Variants in EXOC4 observed in about 807,000 individuals in gnomAD.
EXOC4 encodes the protein exocyst complex component 4.
EXOC4 carries 71 observed loss-of-function variants against 107.2 expected under a neutral mutation model. The observed-to-expected ratio is 0.66, with a 90% confidence interval of 0.55 to 0.81. EXOC4 has a LOEUF of 0.81. Ranked by LOEUF, EXOC4 falls within the 30% of genes least tolerant of loss-of-function variation. The pLI, the probability that EXOC4 is intolerant of heterozygous loss-of-function variation, is 0.00. For synonymous variants in EXOC4, 456 were observed against 441.2 expected, an observed-to-expected ratio of 1.03 and a Z score of -0.42; for missense variants, 1,108 against 1,189.6, an observed-to-expected ratio of 0.93 and a Z score of 1.01.
chr7:133,984,495 C>T lies in EXOC4; in HGVS notation c.2207-12997C>T, dbSNP rs144106061. Among the ~76,000 whole-genome samples, 723 of 152,188 alleles carry T rather than the reference C, an allele frequency of 4.8e-3. 3 individuals carry two copies. The highest frequency in any genetic ancestry group is 0.017 in the Middle Eastern group (5 of 294). On this transcript the variant is annotated intron_variant, in intron 14 of 17. Transcript: ENST00000253861. ...TATTTGGAAGACATTAAGTTAAAGG[C>T]ATTGTGAAAATATAATGAAAAAAAT... is the stretch of plus-strand genomic sequence containing the variant.
chr7:133,503,441 T>C (rs1799612072), intron 9 of EXOC4, among the ~76,000 whole-genome samples: 1 of 152,196 alleles, frequency 6.6e-6, no homozygotes, highest in Admixed American at 6.5e-5. Context: ...ATTCTTGCAA[T>C]CCTACTATGG....
intron 7 of EXOC4, among the ~76,000 whole-genome samples, chr7:133,391,179 A>T (rs1796844203): frequency 6.6e-6 from 1 of 152,220 alleles, no homozygotes; most frequent in African/African-American, 2.4e-5. Context: ...TTGAAAATAT[A>T]AAGTAAAATA....
At chr7:133,499,506 G>A (rs1201388290) in intron 9 of EXOC4, among the ~76,000 whole-genome samples, 1 of 152,138 alleles carries the variant, frequency 6.6e-6, no homozygotes, top group Non-Finnish European at 1.5e-5. Flanking sequence ...AATGTTACTT[G>A]AGAGAAGAGG....
At chr7:133,281,847 AC>A (rs1393840993) in intron 2 of EXOC4, among the ~76,000 whole-genome samples, 2 of 151,794 alleles carry the variant, frequency 1.3e-5, no homozygotes, top group African/African-American at 4.8e-5. Context: ...GATTATAGGT[AC>A]CCACCACCAC....
rs552121442 is a variant in EXOC4, at chr7:133,859,921, C to T, written c.1735-35678C>T. On this transcript the variant is annotated intron_variant, in intron 11 of 17. Coordinates refer to ENST00000253861, the MANE Select transcript of EXOC4 (RefSeq NM_021807.4). The stretch of plus-strand genomic sequence containing the variant: ...AAGCTCTTTAAAGTGCAGGAAATTT[C>T]GTTACAAAGATTTGTGCTGTCTTCT... Among the ~76,000 whole-genome samples the T allele has an allele frequency of 2.0e-5, 3 of 152,200 alleles. No individual in the cohort carries two copies. The East Asian group carries it at 5.8e-4, about 29-fold the overall frequency.
the EXOC4 span, among the ~76,000 whole-genome samples, chr7:134,098,926 G>A: frequency 2.0e-5 from 3 of 152,116 alleles, no homozygotes; most frequent in Non-Finnish European, 4.4e-5. Context: ...TAGGCCAGAG[G>A]CATTCAAGGA....
chr7:134,075,002 A>AT, the EXOC4 span, among the ~76,000 whole-genome samples: 4 of 152,188 alleles, frequency 2.6e-5, no homozygotes, highest in Non-Finnish European at 5.9e-5. Context: ...CCTCCACAGT[A>AT]TAAAAAAAAA....
At chr7:134,043,996 T>C (rs1364129408) in intron 17 of EXOC4, among the ~76,000 whole-genome samples, 1 of 152,146 alleles carries the variant, frequency 6.6e-6, no homozygotes, top group East Asian at 1.9e-4. Context: ...TGATGGAGCA[T>C]GGTCTAGGAA....
the EXOC4 span, among the ~76,000 whole-genome samples, chr7:134,080,105 G>T: frequency 6.6e-6 from 1 of 152,180 alleles, no homozygotes; most frequent in Non-Finnish European, 1.5e-5. Context: ...TGCATGATTA[G>T]CTCTTAACTT....
At chr7:134,030,083 G>T (rs1795235464) in intron 17 of EXOC4, among the ~76,000 whole-genome samples, 1 of 152,120 alleles carries the variant, frequency 6.6e-6, no homozygotes, top group Non-Finnish European at 1.5e-5. Flanking sequence ...GAGCTACAAA[G>T]ATAAAAATAT....
chr7:133,791,015 A>G (rs1351206635), intron 10 of EXOC4, among the ~76,000 whole-genome samples: 1 of 152,238 alleles, frequency 6.6e-6, no homozygotes, highest in Non-Finnish European at 1.5e-5. Context: ...GTGAAAGAAG[A>G]CATTTATGTA....
At chr7:133,937,294 G>C (rs979751430) in intron 13 of EXOC4, among the ~76,000 whole-genome samples, 2 of 151,890 alleles carry the variant, frequency 1.3e-5, no homozygotes, top group African/African-American at 4.8e-5. Flanking sequence ...TTTTTAATTG[G>C]TTTCTTTTTC....
intron 10 of EXOC4, among the ~76,000 whole-genome samples, chr7:133,672,340 G>A (rs1296096434): frequency 6.7e-6 from 1 of 149,322 alleles, no homozygotes; most frequent in Non-Finnish European, 1.5e-5. Flanking sequence ...GCAGTGAGCC[G>A]AGATCGCACC....
At chr7:133,990,263 T>TCCCC (rs1448455743) in intron 14 of EXOC4, among the ~76,000 whole-genome samples, 15 of 132,488 alleles carry the variant, frequency 1.1e-4, no homozygotes, top group African/African-American at 4.5e-4. Context: ...TAACTAACTT[T>TCCCC]CCCCTCCCCC....
intron 12 of EXOC4, among the ~76,000 whole-genome samples, chr7:133,902,741 A>G (rs1019364022): frequency 1.3e-5 from 2 of 151,892 alleles, no homozygotes; most frequent in African/African-American, 2.4e-5. Flanking sequence ...CGTAGTCCCA[A>G]CTACTCAGGA....
chr7:133,322,157 C>A (rs1047747288), intron 5 of EXOC4, among the ~76,000 whole-genome samples: 1 of 152,138 alleles, frequency 6.6e-6, no homozygotes, highest in African/African-American at 2.4e-5. Context: ...AATTGTCTCC[C>A]ATTCTGTAGG....
chr7:133,671,699 G>A (rs187228137), intron 10 of EXOC4, among the ~76,000 whole-genome samples: 1 of 152,278 alleles, frequency 6.6e-6, no homozygotes, highest in Non-Finnish European at 1.5e-5. Context: ...TAACAGTGGA[G>A]GGGAGAAGTG....
rs145986286 is a variant in EXOC4 at position 133,861,940 on chromosome 7, G to A, written c.1735-33659G>A. ...GAGGACAGGTACCTTTCATATCAAG[G>A]TAAGGCATGATACAGAAGGTAAAGT... On this transcript the variant is annotated intron_variant, in intron 11 of 17. Coordinates refer to ENST00000253861, the MANE Select transcript of EXOC4 (RefSeq NM_021807.4). Among the ~76,000 whole-genome samples the A allele has an allele frequency of 3.4e-3, 524 of 152,280 alleles. 4 individuals are homozygous for A. Among genetic ancestry groups the A allele is most frequent in the Middle Eastern group, 0.017 (5 of 294 alleles).
At chr7:133,504,240 G>A (rs945418648) in intron 9 of EXOC4, among the ~76,000 whole-genome samples, 7 of 152,000 alleles carry the variant, frequency 4.6e-5, no homozygotes, top group Admixed American at 4.6e-4. Flanking sequence ...CAGAAAAGTT[G>A]AATTTATAAA....
Sources: allele counts gnomAD v4.1 joint callset (sites outside exome capture counted in the v4.1 genomes callset), GRCh38; gene constraint gnomAD v4.1.1; transcripts MANE v1.5; gene names NCBI Gene and HGNC (gene_info 2026-07-23, HGNC 2026-07-21).